ENTREP2: variants seen among roughly 807,000 people sequenced by gnomAD.
ENTREP2 encodes the protein protein ENTREP2.
chr15:29,400,327 A>G, the ENTREP2 span, among the ~76,000 whole-genome samples: 1 of 152,242 alleles, frequency 6.6e-6, no homozygotes, highest in Non-Finnish European at 1.5e-5. Flanking sequence ...AGAATATCTT[A>G]GAATACACAG....
the ENTREP2 span, among the ~76,000 whole-genome samples, chr15:29,144,325 A>G: frequency 6.6e-6 from 1 of 152,200 alleles, no homozygotes; most frequent in Admixed American, 6.5e-5. Context: ...AACTACCAAA[A>G]CAGACTTGAG....
At chr15:29,577,343 T>A in the ENTREP2 span, among the ~76,000 whole-genome samples, 1 of 129,890 alleles carries the variant, frequency 7.7e-6, no homozygotes, top group Admixed American at 7.9e-5. Context: ...TGTGTGTGTG[T>A]GTGTGTGAGA....
At chr15:29,362,365 A>AT in the ENTREP2 span, among the ~76,000 whole-genome samples, 2 of 135,106 alleles carry the variant, frequency 1.5e-5, no homozygotes, top group African/African-American at 5.7e-5. Context: ...CTTGTTTTTA[A>AT]TCTTTTTTTT....
chr15:29,161,302 T>C, the ENTREP2 span, among the ~76,000 whole-genome samples: 122,864 of 152,148 alleles, frequency 0.81, 50,228 homozygotes, highest in Non-Finnish European at 0.87. Flanking sequence ...GCTCAGTGTT[T>C]CTGCCCCATA....
chr15:29,618,145 C>G, the ENTREP2 span, among the ~76,000 whole-genome samples: 1 of 152,064 alleles, frequency 6.6e-6, no homozygotes, highest in Non-Finnish European at 1.5e-5. Context: ...TCACAGAGGC[C>G]GGGCGTGGTA....
At chr15:29,469,177 T>G in the ENTREP2 span, among the ~76,000 whole-genome samples, 1 of 151,984 alleles carries the variant, frequency 6.6e-6, no homozygotes, top group Non-Finnish European at 1.5e-5. Flanking sequence ...TCCTGCAAGA[T>G]TCTGCTTCTT....
the ENTREP2 span, among the ~76,000 whole-genome samples, chr15:29,286,112 T>G: frequency 6.6e-6 from 1 of 152,202 alleles, no homozygotes; most frequent in African/African-American, 2.4e-5. Flanking sequence ...ATGAGAATGT[T>G]GCCTCAAAGA....
At chr15:29,575,527 A>C in the ENTREP2 span, among the ~76,000 whole-genome samples, 1 of 152,222 alleles carries the variant, frequency 6.6e-6, no homozygotes, top group Non-Finnish European at 1.5e-5. Context: ...AGACAAGAAA[A>C]GGAAATAAAG....
At chr15:29,552,980 G>A in the ENTREP2 span, among the ~76,000 whole-genome samples, 1 of 152,224 alleles carries the variant, frequency 6.6e-6, no homozygotes, top group African/African-American at 2.4e-5. Context: ...GTAGCACCAT[G>A]TGCTTGGATT....
the ENTREP2 span, among the ~76,000 whole-genome samples, chr15:29,348,163 CA>C: frequency 6.6e-6 from 1 of 152,112 alleles, no homozygotes; most frequent in Admixed American, 6.5e-5. Context: ...TTATTGAGTC[CA>C]AAAATATCTG....
chr15:29,435,671 C>CAT, the ENTREP2 span, among the ~76,000 whole-genome samples: 1 of 151,544 alleles, frequency 6.6e-6, no homozygotes, highest in Non-Finnish European at 1.5e-5. Context: ...TATATATACA[C>CAT]ATATATATAC....
the ENTREP2 span, chr15:29,137,101 G>A: frequency 2.0e-6 from 3 of 1,467,410 alleles, no homozygotes; most frequent in Admixed American, 3.2e-5. Context: ...GGGAGTGGGG[G>A]GATGAACTCG....
At chr15:29,416,292 A>T in the ENTREP2 span, among the ~76,000 whole-genome samples, 29 of 152,340 alleles carry the variant, frequency 1.9e-4, no homozygotes, top group East Asian at 7.7e-4. Flanking sequence ...CTGGTACCAA[A>T]ACAGAGATAT....
At chr15:29,276,281 T>C in the ENTREP2 span, among the ~76,000 whole-genome samples, 1 of 152,210 alleles carries the variant, frequency 6.6e-6, no homozygotes, top group Admixed American at 6.5e-5. Context: ...TCCAGGGCCC[T>C]TTACTTATGA....
the ENTREP2 span, among the ~76,000 whole-genome samples, chr15:29,338,077 G>A: frequency 1.3e-5 from 2 of 151,972 alleles, no homozygotes; most frequent in Non-Finnish European, 1.5e-5. Context: ...ATACATGTAC[G>A]TATATCATCT....
chr15:29,220,339 CATTAGAATTTAAATTTTT>C, the ENTREP2 span, among the ~76,000 whole-genome samples: 2 of 152,230 alleles, frequency 1.3e-5, no homozygotes, highest in African/African-American at 4.8e-5. Flanking sequence ...TGTCCAAGCT[CATTAGAATTTAAATTTTT>C]ACCTTTAAAC....
At chr15:29,513,169 C>T in the ENTREP2 span, among the ~76,000 whole-genome samples, 1 of 152,136 alleles carries the variant, frequency 6.6e-6, no homozygotes, top group African/African-American at 2.4e-5. Context: ...TATGCTCTCC[C>T]TGAGCTTTCA....
chr15:29,355,772 C>T, the ENTREP2 span, among the ~76,000 whole-genome samples: 6 of 151,960 alleles, frequency 3.9e-5, no homozygotes, highest in African/African-American at 1.5e-4. Context: ...CACCCATGTC[C>T]CCATGGTGAA....
At chr15:29,365,180 A>G in the ENTREP2 span, among the ~76,000 whole-genome samples, 1 of 151,970 alleles carries the variant, frequency 6.6e-6, no homozygotes, top group East Asian at 1.9e-4. Flanking sequence ...TAGCCTTTTC[A>G]GATTGACTTC....
Sources: gnomAD v4.1 joint callset for allele counts (sites outside exome capture counted in the v4.1 genomes callset) on GRCh38, gnomAD v4.1.1 for gene constraint, MANE v1.5 for transcripts, NCBI Gene and HGNC (gene_info 2026-07-23, HGNC 2026-07-21) for gene names.